Variants in CEP72 observed in about 807,000 individuals in gnomAD.
CEP72 encodes centrosomal protein 72.
Under a neutral mutation model 65.7 loss-of-function variants are expected in CEP72, and 78 were observed. The observed-to-expected ratio is 1.19, with a 90% CI of 0.99 to 1.43. CEP72 has a LOEUF of 1.43. CEP72 is among the 40% of genes most tolerant of loss of function. The probability of loss-of-function intolerance (pLI) is 0.00; values close to 1 mark genes in which losing one functional copy is unlikely to be tolerated. For missense variants in CEP72, 914 were observed against 832.9 expected, an observed-to-expected ratio of 1.10 and a Z score of -1.20; for synonymous variants, 358 against 351.7, an observed-to-expected ratio of 1.02 and a Z score of -0.20.
At chr5:673,467 G>C in the CEP72 span, among the ~76,000 whole-genome samples, 91 of 152,154 alleles carry the variant, frequency 6.0e-4, no homozygotes, top group African/African-American at 2.1e-3. Flanking sequence ...AATGGGGAGG[G>C]GGGGAGGTCA....
chr5:633,707 C>T (rs1737382970), intron 4 of CEP72, 62 bp from the exon 5 acceptor site: 1 of 1,505,084 alleles, frequency 6.6e-7, no homozygotes, highest in Non-Finnish European at 9.2e-7. Flanking sequence ...TTCTCCTGGT[C>T]TGCGTGGGCC....
chr5:613,201 C>CTG (rs1287907247), intron 1 of CEP72, among the ~76,000 whole-genome samples: 1 of 152,150 alleles, frequency 6.6e-6, no homozygotes, highest in Admixed American at 6.5e-5. Flanking sequence ...CTGTTAATGT[C>CTG]TGTGTGTGGT....
intron 2 of CEP72, chr5:664,984 C>T: frequency 1.6e-6 from 2 of 1,286,456 alleles, no homozygotes; most frequent in South Asian, 2.8e-5. Flanking sequence ...GCCCCCCAGC[C>T]CCCTCTGGGG....
rs372497781 is a variant in CEP72, at chr5:640,633, T to C, written c.1539+29T>C. On this transcript the variant is annotated intron_variant, in intron 9 of 11. Transcript: ENST00000264935. The stretch of plus-strand genomic sequence containing the variant: ...AGCCCGCCCTGGCGCTGTGTCTGTG[T>C]CCATGTGACTGGGGGAAACATGGCT... 456 of 1,584,210 alleles carry C rather than the reference T, an allele frequency of 2.9e-4. 2 individuals are homozygous for C. Among genetic ancestry groups the C allele is most frequent in the Non-Finnish European group, 3.7e-4 (431 of 1,167,040 alleles).
chr5:630,145 G>A (rs1184954871), intron 4 of CEP72, among the ~76,000 whole-genome samples: 4 of 2,940 alleles, frequency 1.4e-3, no homozygotes, highest in East Asian at 8.8e-3. Flanking sequence ...GTGGGGTTCT[G>A]TCCAGTGCCG....
At chr5:638,876 C>G (rs57026597) in intron 7 of CEP72, among the ~76,000 whole-genome samples, 52 of 152,098 alleles carry the variant, frequency 3.4e-4, no homozygotes, top group Non-Finnish European at 6.8e-4. Flanking sequence ...GTCCTGTCAT[C>G]GAGACCTCAC....
At position 653,037 on chromosome 5, in the gene CEP72, C is replaced by T. The variant is rs761360679; in HGVS notation, c.1828C>T (p.Arg610Trp). Residue 610 changes from arginine (R) to tryptophan (W), a missense_variant, in exon 12 of 12, where the codon CGG becomes TGG. Coordinates refer to ENST00000264935, the MANE Select transcript of CEP72 (RefSeq NM_018140.4). ...CCTGCTGCAGGAGCTGAGCCAGGTG[C>T]GGGCGCAGCACAGAGCCGAGGTGGA... ...EHLLQELSQVRAQHRAEVEQM... is the reference protein window; with the variant it reads ...EHLLQELSQVWAQHRAEVEQM... 10 of 1,613,588 alleles carry T rather than the reference C, an allele frequency of 6.2e-6. No individual in the cohort carries two copies. Among genetic ancestry groups the T allele is most frequent in the Admixed American group, 5.0e-5 (3 of 59,942 alleles).
chr5:633,718 G>A (rs759958855), intron 4 of CEP72, 51 bp from the exon 5 acceptor site: 42 of 1,562,838 alleles, frequency 2.7e-5, no homozygotes, highest in East Asian at 2.2e-4. Flanking sequence ...TGCGTGGGCC[G>A]GAGCATATGG....
At chr5:671,853 G>A (rs558790324), downstream of CEP72, among the ~76,000 whole-genome samples, 3 of 152,346 alleles carry the variant, frequency 2.0e-5, no homozygotes, top group South Asian at 2.1e-4. Flanking sequence ...AGCAATGGAG[G>A]GACAGGGTTG....
At chr5:671,233 T>C (rs1028542624), downstream of CEP72, among the ~76,000 whole-genome samples, 17 of 151,776 alleles carry the variant, frequency 1.1e-4, no homozygotes, top group Non-Finnish European at 8.8e-5. Flanking sequence ...TGCCGGCCTT[T>C]TCGTTTTCCT....
intron 2 of CEP72, chr5:665,125 G>C (rs773926512): frequency 1.2e-5 from 20 of 1,611,842 alleles, no homozygotes; most frequent in Non-Finnish European, 1.7e-5. Flanking sequence ...TGCACCTTCT[G>C]GTCGTAGGTG....
At chr5:671,711 A>T (rs12515813), downstream of CEP72, among the ~76,000 whole-genome samples, 18,812 of 152,262 alleles carry the variant, frequency 0.12, 1,487 homozygotes, top group South Asian at 0.18. Flanking sequence ...GTCCCCCCGC[A>T]GGGGCTCCAC....
At chr5:669,490 G>A (rs1042403333), downstream of CEP72, among the ~76,000 whole-genome samples, 7 of 152,092 alleles carry the variant, frequency 4.6e-5, no homozygotes, top group Admixed American at 1.3e-4. Context: ...GGCCCTTGGG[G>A]CCTCTGTCTG....
rs1345325013 is a variant in CEP72 at position 635,593 on chromosome 5, G to A, written c.904+9G>A. ...CTTCACCCCACACCCAGGTACTTAC[G>A]CGTGTCTTAGTCTGTTTTCTGTTGC... On this transcript the variant is annotated intron_variant, in intron 6 of 11. Coordinates refer to ENST00000264935, the MANE Select transcript of CEP72 (RefSeq NM_018140.4). The A allele has an allele frequency of 5.0e-6, 8 of 1,597,488 alleles. No homozygotes were observed. Among genetic ancestry groups the A allele is most frequent in the African/African-American group, 2.7e-5 (2 of 74,526 alleles).
intron 10 of CEP72, among the ~76,000 whole-genome samples, chr5:647,175 A>C (rs1025074523): frequency 1.3e-5 from 2 of 151,966 alleles, no homozygotes; most frequent in Non-Finnish European, 2.9e-5. Context: ...CACCTTCCCC[A>C]CCTCTGGCTT....
Position 624,689 on chromosome 5 carries a change from C to T in CEP72, c.512+110C>T. On this transcript the variant is annotated intron_variant, in intron 4 of 11. Transcript: ENST00000264935. This position sits in a 1 kb window ranked among gnomAD's most constrained non-coding sequence, Gnocchi z 4.7. ...GCCGGTCACTCTCCAGGGGCGGACA[C>T]CAGGAGGGAGGAAGGGCAGAGCCTG... is the stretch of plus-strand genomic sequence containing the variant. 1.2e-6 allele frequency: 1 copy of T among 805,474 alleles called. No individual in the cohort carries two copies. The highest frequency in any genetic ancestry group is 2.1e-6 in the Non-Finnish European group (1 of 470,526). 49.9% of individuals were successfully genotyped at this position (805,474 alleles called of 1,614,324 possible).
the CEP72 span, among the ~76,000 whole-genome samples, chr5:673,882 A>G: frequency 6.6e-6 from 1 of 152,302 alleles, no homozygotes; most frequent in South Asian, 2.1e-4. Flanking sequence ...TCATTCTCCA[A>G]ATGAGCCACA....
chr5:649,587 C>CTGAGGCGTGACTG (rs1738785041), intron 11 of CEP72, among the ~76,000 whole-genome samples: 2 of 82,184 alleles, frequency 2.4e-5, no homozygotes, highest in African/African-American at 9.2e-5. Context: ...TGAGGCGTGA[C>CTGAGGCGTGACTG]TGAGGCGTGA....
chr5:650,719 TG>T (rs777308806), intron 11 of CEP72, among the ~76,000 whole-genome samples: 151 of 22,670 alleles, frequency 6.7e-3, no homozygotes, highest in Non-Finnish European at 7.1e-3. Flanking sequence ...CTGTGAGGCG[TG>T]GACTGTGAGG....
Sources: gnomAD v4.1 joint callset for allele counts (sites outside exome capture counted in the v4.1 genomes callset) on GRCh38, gnomAD v4.1.1 for gene constraint, Gnocchi (gnomAD v3.1) non-coding constraint, MANE v1.5 for transcripts, NCBI Gene and HGNC (gene_info 2026-07-23, HGNC 2026-07-21) for gene names.